MICAL3: variants seen among roughly 807,000 people sequenced by gnomAD.
The protein encoded by MICAL3 is microtubule associated monooxygenase, calponin and LIM domain containing 3.
MICAL3 carries 62 observed loss-of-function variants against 207.4 expected under a neutral mutation model. That is an observed-to-expected ratio of 0.30 (90% CI 0.24 to 0.37). MICAL3 has a LOEUF of 0.37. MICAL3 is among the 10% of genes least tolerant of loss of function. The pLI is 1.00. For missense variants in MICAL3, 2,368 were observed against 2,635.6 expected, an observed-to-expected ratio of 0.90 and a Z score of 2.22; for synonymous variants, 1,077 against 1,069.3, an observed-to-expected ratio of 1.01 and a Z score of -0.14.
intron 19 of MICAL3, among the ~76,000 whole-genome samples, chr22:17,851,953 A>G (rs1925384705): frequency 6.6e-6 from 1 of 152,158 alleles, no homozygotes; most frequent in Non-Finnish European, 1.5e-5. Flanking sequence ...GGTCAGCACG[A>G]GCAAGTCCAG....
At position 17,822,378 on chromosome 22, in the gene MICAL3, C is replaced by T. The variant is rs113426753; in HGVS notation, c.3308-208G>A. On this transcript the variant is annotated intron_variant, in intron 23 of 31. Transcript: ENST00000441493. ...CAAGAGCACCCTCCTGCCTTTGCAA[C>T]GCGGGGCCGCATCAAAGCCTGTGGG... 2.5e-3 allele frequency among the ~76,000 whole-genome samples: 384 copies of T among 152,358 alleles called. 3 individuals are homozygous for T. In the Middle Eastern group the frequency reaches 0.027, roughly 11 times the overall value.
chr22:17,956,982 A>G (rs1315358054), intron 1 of MICAL3, among the ~76,000 whole-genome samples: 2 of 152,328 alleles, frequency 1.3e-5, no homozygotes, highest in Non-Finnish European at 2.9e-5. Context: ...ATATAAGCAG[A>G]AGTGTGTGGG....
intron 1 of MICAL3, among the ~76,000 whole-genome samples, chr22:17,954,663 C>T (rs1226809088): frequency 1.3e-5 from 2 of 152,104 alleles, no homozygotes; most frequent in Non-Finnish European, 2.9e-5. Flanking sequence ...GACACTCCAA[C>T]ACTTGATGAA....
intron 2 of MICAL3, among the ~76,000 whole-genome samples, chr22:17,906,041 C>A (rs1931690442): frequency 6.6e-6 from 1 of 152,166 alleles, no homozygotes; most frequent in Non-Finnish European, 1.5e-5. Context: ...ATGCCAAGAA[C>A]CCCAAAGCCG....
At chr22:17,842,804 GCGTCACA>G (rs1924181594) in intron 19 of MICAL3, among the ~76,000 whole-genome samples, 1 of 152,198 alleles carries the variant, frequency 6.6e-6, no homozygotes, top group South Asian at 2.1e-4. Flanking sequence ...TGTGCACAGG[GCGTCACA>G]CCAGGTGATT....
chr22:17,875,200 C>T, intron 16 of MICAL3: 1 of 275,828 alleles, frequency 3.6e-6, no homozygotes, highest in Non-Finnish European at 6.7e-6. Context: ...AGCGGGTTCA[C>T]ATCAACAGAC....
At chr22:17,834,314 T>C in intron 20 of MICAL3, 1 of 1,170,964 alleles carries the variant, frequency 8.5e-7, no homozygotes, top group Non-Finnish European at 1.1e-6. Context: ...CTCAGGGTAG[T>C]GAATCAGCTT....
chr22:17,906,135 A>C (rs933397232), intron 2 of MICAL3, among the ~76,000 whole-genome samples: 1 of 152,194 alleles, frequency 6.6e-6, no homozygotes, highest in Non-Finnish European at 1.5e-5. Flanking sequence ...TTCAAAAGAG[A>C]GCTTCAGCAA....
At chr22:17,971,360 T>G (rs1602319605) in intron 1 of MICAL3, among the ~76,000 whole-genome samples, 1 of 152,076 alleles carries the variant, frequency 6.6e-6, no homozygotes, top group East Asian at 1.9e-4. Flanking sequence ...CCCAGCTACT[T>G]GGGAGGCTGA....
Position 17,817,414 on chromosome 22 carries a change from C to A in MICAL3, c.5247G>T (p.Lys1749Asn). ...LWKSVFSGYK[K>N]DKKKKADDKS... ...TGTCGTCGGCCTTCTTCTTCTTGTC[C>A]TTCTTGTACCCGGAGAAGACGGACT... Residue 1749 changes from lysine to asparagine, a missense_variant, in exon 26 of 32, where the codon AAG (lysine) becomes AAT (asparagine). By Grantham distance (94) the Lys-to-Asn change is moderately conservative (BLOSUM62 0). This residue lies in a region of MICAL3 where 1,770 missense variants were observed against 1,863.2 expected (regional missense o/e 0.95). Transcript: ENST00000441493. The A allele has an allele frequency of 2.5e-6, 4 of 1,613,522 alleles. No individual in the cohort carries two copies. Among genetic ancestry groups the A allele is most frequent in the Non-Finnish European group, 3.4e-6 (4 of 1,179,862 alleles).
chr22:17,841,920 C>A lies in MICAL3; in HGVS notation c.2703G>T (p.Arg901Ser). ...GTACCTCCTGCAGTGCCTCAGCCTG[C>A]CTCAGGGACAGGCGGTAGTTCTCCA... ...IELENYRLSL[R>S]QAEALQEVPE... Residue 901 changes from arginine (R) to serine (S), a missense_variant, in exon 20 of 32, where the codon AGG becomes AGT. Arg to Ser is a moderately radical substitution (Grantham distance 110, BLOSUM62 -1). Around this residue, in one of 4 missense-constraint regions of MICAL3, gnomAD observed 1,770 missense variants for 1,863.2 expected, o/e 0.95. Transcript: ENST00000441493. The surrounding 1 kb of genome is among the most constrained non-coding windows in gnomAD (Gnocchi z 4.2). 1 of 1,598,786 alleles carries A rather than the reference C, an allele frequency of 6.3e-7. No homozygotes were observed. The highest frequency in any genetic ancestry group is 1.1e-5 in the South Asian group (1 of 88,572).
chr22:17,890,471 C>T (rs567267652), intron 12 of MICAL3, among the ~76,000 whole-genome samples: 104 of 152,280 alleles, frequency 6.8e-4, no homozygotes, highest in Admixed American at 1.8e-3. Flanking sequence ...TGCCCTACCC[C>T]CTTTCTTTGG....
intron 29 of MICAL3, among the ~76,000 whole-genome samples, chr22:17,794,621 C>G (rs968701954): frequency 6.6e-6 from 1 of 152,234 alleles, no homozygotes; most frequent in African/African-American, 2.4e-5. Flanking sequence ...CAACCACCCC[C>G]TTTCCTTCTG....
rs142865216 is a variant in MICAL3 at position 17,928,210 on chromosome 22, C to A, written c.-74-21324G>T. 1.3e-3 allele frequency among the ~76,000 whole-genome samples: 194 copies of A among 152,186 alleles called. 7 individuals are homozygous for A. The East Asian group carries it at 0.032, about 25-fold the overall frequency. On this transcript the variant is annotated intron_variant, in intron 1 of 31. Coordinates refer to ENST00000441493, the MANE Select transcript of MICAL3 (RefSeq NM_015241.3). ...ATCCCAGCACTTTGGGAGGCCGAGG[C>A]GGGCGCATCACGAGGTCAGGAGATC...
At chr22:17,986,317 T>C (rs1921008819) in intron 1 of MICAL3, among the ~76,000 whole-genome samples, 2 of 152,172 alleles carry the variant, frequency 1.3e-5, no homozygotes, top group South Asian at 4.1e-4. Flanking sequence ...GGTCAGGAGT[T>C]CGAGACCAGC....
intron 19 of MICAL3, among the ~76,000 whole-genome samples, chr22:17,855,695 T>G (rs1004733409): frequency 2.0e-5 from 3 of 152,236 alleles, no homozygotes; most frequent in African/African-American, 7.2e-5. Context: ...TTTAATGACT[T>G]CCCCCATTGC....
intron 1 of MICAL3, among the ~76,000 whole-genome samples, chr22:17,996,873 ACCGCACAGACTTT>A (rs2146476979): frequency 6.6e-6 from 1 of 152,240 alleles, no homozygotes; most frequent in South Asian, 2.1e-4. Flanking sequence ...GGCCTTATTC[ACCGCACAGACTTT>A]AGCCCAAGTG....
rs200437042 is a variant in MICAL3 at position 17,882,162 on chromosome 22, CT to C, written c.2241+3715del. On this transcript the variant is annotated intron_variant, in intron 16 of 31. Coordinates refer to ENST00000441493, the MANE Select transcript of MICAL3 (RefSeq NM_015241.3). The stretch of plus-strand genomic sequence containing the variant: ...GGGCTGGTTAATGCACAGAGCTTGC[CT>C]TTGGGATGTGTTTCTGAGATCAAAA... Among the ~76,000 whole-genome samples, 815 of 152,244 alleles carry C rather than the reference CT, an allele frequency of 5.4e-3. 8 individuals carry two copies. The highest frequency in any genetic ancestry group is 0.019 in the African/African-American group (783 of 41,526).
chr22:17,895,037 G>A (rs1930710231), intron 10 of MICAL3, among the ~76,000 whole-genome samples: 2 of 152,198 alleles, frequency 1.3e-5, no homozygotes, highest in South Asian at 2.1e-4. Flanking sequence ...AGAAGACGTG[G>A]CATAAAGGCC....
Sources: gnomAD v4.1 joint callset for allele counts (sites outside exome capture counted in the v4.1 genomes callset) on GRCh38, gnomAD v4.1.1 for gene constraint, gnomAD v4.1.1 regional missense constraint, Gnocchi (gnomAD v3.1) non-coding constraint, MANE v1.5 for transcripts, NCBI Gene and HGNC (gene_info 2026-07-23, HGNC 2026-07-21) for gene names.